SGIP1: variants seen among roughly 807,000 people sequenced by gnomAD.
The protein encoded by SGIP1 is SH3GL interacting endocytic adaptor 1.
Under a neutral mutation model 107.5 loss-of-function variants are expected in SGIP1, and 38 were observed. That is an observed-to-expected ratio of 0.35 (90% CI 0.27 to 0.46). The LOEUF (loss-of-function observed/expected upper bound fraction) is 0.46. Among genes scored for constraint, SGIP1 ranks in the 20% least tolerant of loss-of-function variants. The pLI is 1.00. For missense variants in SGIP1, 929 were observed against 1,019.5 expected, an observed-to-expected ratio of 0.91 and a Z score of 1.21; for synonymous variants, 365 against 366.1, an observed-to-expected ratio of 1.00 and a Z score of 0.03.
At chr1:66,569,198 A>G (rs977612674) in intron 1 of SGIP1, among the ~76,000 whole-genome samples, 1 of 151,932 alleles carries the variant, frequency 6.6e-6, no homozygotes, top group African/African-American at 2.4e-5. Flanking sequence ...TTTCCTTTTC[A>G]ATGTGTATCT....
chr1:66,580,767 A>G (rs999975376), intron 1 of SGIP1, among the ~76,000 whole-genome samples: 1 of 152,192 alleles, frequency 6.6e-6, no homozygotes, highest in Non-Finnish European at 1.5e-5. Flanking sequence ...GTTTTGATTC[A>G]TGCATGACTA....
chr1:66,611,650 T>C (rs2068024698), intron 1 of SGIP1, among the ~76,000 whole-genome samples: 1 of 152,196 alleles, frequency 6.6e-6, no homozygotes, highest in African/African-American at 2.4e-5. Context: ...ATCTCAAAGG[T>C]GATAGCTTCA....
At chr1:66,703,926 G>A (rs1478540134) in intron 18 of SGIP1, among the ~76,000 whole-genome samples, 1 of 151,786 alleles carries the variant, frequency 6.6e-6, no homozygotes, top group African/African-American at 2.4e-5. Flanking sequence ...TCTGGAATAA[G>A]CCTTCTAGAT....
intron 1 of SGIP1, 63 bp downstream of exon 1, chr1:66,534,431 G>A: frequency 6.3e-7 from 1 of 1,585,236 alleles, no homozygotes; most frequent in African/African-American, 1.3e-5. Flanking sequence ...CAGCATTAAA[G>A]AATATGTGCA....
At chr1:66,658,400 G>GA (rs1311359438) in intron 7 of SGIP1, among the ~76,000 whole-genome samples, 1 of 152,218 alleles carries the variant, frequency 6.6e-6, no homozygotes, top group Admixed American at 6.5e-5. Flanking sequence ...CTAACAGGCA[G>GA]AGAAATTAAC....
chr1:66,589,621 C>T (rs576600246), intron 1 of SGIP1, among the ~76,000 whole-genome samples: 2 of 152,226 alleles, frequency 1.3e-5, no homozygotes, highest in South Asian at 4.1e-4. Context: ...GAAAAACACT[C>T]TCCTGATGCC....
In SGIP1 at chr1:66,690,222, C is replaced by T. The variant is rs767521663; in HGVS notation, c.1476C>T (p.Ser492=). 6.2e-7 allele frequency: 1 copy of T among 1,614,176 alleles called. No homozygotes were observed. The highest frequency in any genetic ancestry group is 2.2e-5 in the East Asian group (1 of 44,882). Residue 492 remains serine (S), a synonymous_variant, in exon 17 of 25, where the codon TCC becomes TCT. Coordinates refer to ENST00000371037, the MANE Select transcript of SGIP1 (RefSeq NM_032291.4). ...SRPFSPPIHS[S]SPPPIAPLAR... is the part of the protein sequence containing the mutation. Reference sequence around the variant, plus strand: ...CTTTTAGCCCTCCCATTCATTCTTCCAGCCCTCCTCCAATAGCACCCTTAG... The same window carrying T: ...CTTTTAGCCCTCCCATTCATTCTTCTAGCCCTCCTCCAATAGCACCCTTAG...
intron 8 of SGIP1, among the ~76,000 whole-genome samples, chr1:66,661,446 A>G (rs760620089): frequency 5.9e-5 from 9 of 152,230 alleles, no homozygotes; most frequent in Non-Finnish European, 1.2e-4. Flanking sequence ...CAGAAAAGCT[A>G]TAGGATAGGA....
At chr1:66,565,638 G>C (rs2059537113) in intron 1 of SGIP1, among the ~76,000 whole-genome samples, 1 of 151,922 alleles carries the variant, frequency 6.6e-6, no homozygotes, top group African/African-American at 2.4e-5. Context: ...TATTGGAAAA[G>C]ACTTTCTGAA....
At chr1:66,638,953 G>T (rs986928716) in intron 4 of SGIP1, among the ~76,000 whole-genome samples, 4 of 152,210 alleles carry the variant, frequency 2.6e-5, no homozygotes, top group Non-Finnish European at 5.9e-5. Context: ...TTACCAACGT[G>T]ATTTGTGTTT....
intron 1 of SGIP1, among the ~76,000 whole-genome samples, chr1:66,542,208 C>T (rs2055139158): frequency 6.6e-6 from 1 of 151,678 alleles, no homozygotes; most frequent in African/African-American, 2.4e-5. Context: ...ATCATTTTAC[C>T]TTTATCACAG....
chr1:66,747,436 T>C lies in SGIP1; in HGVS notation c.*4341T>C, dbSNP rs981826276. 15 of 152,182 alleles carry C rather than the reference T, an allele frequency of 9.9e-5. No homozygotes were observed. The highest frequency in any genetic ancestry group is 3.6e-4 in the African/African-American group (15 of 41,572). 9.4% of individuals were successfully genotyped at this position (152,182 alleles called of 1,614,324 possible). On this transcript the variant is annotated 3_prime_UTR_variant, in exon 25 of 25. Transcript: ENST00000371037. ...TCTTTTTCTTAAAGTTACTCTGTTA[T>C]ACTATCTCAGTCTCAAAGTAGCCTG...
chr1:66,633,355 TCA>T (rs889605723), intron 3 of SGIP1, among the ~76,000 whole-genome samples: 2 of 152,162 alleles, frequency 1.3e-5, no homozygotes, highest in Non-Finnish European at 2.9e-5. Flanking sequence ...GCCAGACAGT[TCA>T]CGCAGGGGCT....
intron 7 of SGIP1, among the ~76,000 whole-genome samples, chr1:66,650,251 A>C (rs1255840416): frequency 6.6e-6 from 1 of 152,194 alleles, no homozygotes; most frequent in African/African-American, 2.4e-5. Context: ...TTTGAGTACC[A>C]TCAACATCCC....
At chr1:66,594,790 C>G (rs1458527801) in intron 1 of SGIP1, among the ~76,000 whole-genome samples, 1 of 152,126 alleles carries the variant, frequency 6.6e-6, no homozygotes, top group Non-Finnish European at 1.5e-5. Flanking sequence ...CAGTCCTCAT[C>G]TATACATGGG....
chr1:66,722,541 T>C (rs76924146), intron 19 of SGIP1, among the ~76,000 whole-genome samples: 3,011 of 152,266 alleles, frequency 0.02, 96 homozygotes, highest in African/African-American at 0.068. Flanking sequence ...ACTCACCTAA[T>C]ATTTACAAAA....
At chr1:66,639,372 C>A (rs931536738) in intron 4 of SGIP1, among the ~76,000 whole-genome samples, 3 of 152,098 alleles carry the variant, frequency 2.0e-5, no homozygotes, top group Non-Finnish European at 4.4e-5. Context: ...TATGTTGTAA[C>A]TAATTGTATA....
intron 1 of SGIP1, among the ~76,000 whole-genome samples, chr1:66,583,173 A>C (rs532600447): frequency 6.6e-6 from 1 of 152,254 alleles, no homozygotes; most frequent in African/African-American, 2.4e-5. Context: ...CAGCTGTAAT[A>C]GTAAGTCAGA....
At chr1:66,716,983 G>C (rs150295412) in intron 18 of SGIP1, among the ~76,000 whole-genome samples, 160 of 152,088 alleles carry the variant, frequency 1.1e-3, no homozygotes, top group African/African-American at 3.7e-3. Context: ...CATAGAAGGT[G>C]GACCTCCTTC....
Sources: gnomAD v4.1 joint callset for allele counts (sites outside exome capture counted in the v4.1 genomes callset) on GRCh38, gnomAD v4.1.1 for gene constraint, MANE v1.5 for transcripts, NCBI Gene and HGNC (gene_info 2026-07-23, HGNC 2026-07-21) for gene names.